The following ANKFN1 variants were observed in gnomAD, a reference collection of about 807,000 sequenced individuals.
The protein encoded by ANKFN1 is ankyrin repeat and fibronectin type III domain containing 1.
A neutral mutation model predicts 108.7 loss-of-function variants in ANKFN1; 74 were observed. The observed-to-expected ratio is 0.68, with a 90% confidence interval of 0.56 to 0.83. ANKFN1 has a LOEUF of 0.83. Ranked by LOEUF, ANKFN1 falls within the 40% of genes least tolerant of loss-of-function variation. The pLI, the probability that ANKFN1 is intolerant of heterozygous loss-of-function variation, is 0.00. For synonymous variants in ANKFN1, 547 were observed against 516.2 expected (o/e 1.06, Z -0.81); for missense variants, 1,505 against 1,382.3 (o/e 1.09, Z -1.41).
At chr17:56,079,341 C>T (rs1041874522) in intron 4 of ANKFN1, among the ~76,000 whole-genome samples, 1 of 152,116 alleles carries the variant, frequency 6.6e-6, no homozygotes, top group African/African-American at 2.4e-5. Context: ...CATACTGGCT[C>T]CAATCACATA....
At chr17:56,130,756 G>A (rs1907235372) in intron 4 of ANKFN1, among the ~76,000 whole-genome samples, 1 of 152,114 alleles carries the variant, frequency 6.6e-6, no homozygotes, top group African/African-American at 2.4e-5. Flanking sequence ...TCTTGGAGAT[G>A]CAGCCTGAGA....
rs773253531 is a variant in ANKFN1, at chr17:56,515,215, C to T, written c.*3946C>T. ...CATTTTTCTACAGCTCTCTCAACTT[C>T]GTATGTAGCAGAGCTACAGCAAAGA... On this transcript the variant is annotated 3_prime_UTR_variant, in exon 21 of 21. Transcript: ENST00000682825. 2.6e-5 allele frequency among the ~76,000 whole-genome samples: 4 copies of T among 152,102 alleles called. No individual in the cohort carries two copies. Among genetic ancestry groups the T allele is most frequent in the African/African-American group, 4.8e-5 (2 of 41,424 alleles).
intron 3 of ANKFN1, among the ~76,000 whole-genome samples, chr17:56,231,270 A>G (rs893192376): frequency 6.6e-6 from 1 of 152,096 alleles, no homozygotes. Context: ...TGCCAATTAC[A>G]TTAACTTGGT....
rs139536884 is a variant in ANKFN1, at chr17:56,102,383, A to G, written c.288+56058A>G. Among the ~76,000 whole-genome samples, 768 of 152,350 alleles carry G rather than the reference A, an allele frequency of 5.0e-3. 7 individuals are homozygous for G. Among genetic ancestry groups the G allele is most frequent in the African/African-American group, 0.018 (740 of 41,582 alleles). Reference sequence around the variant, plus strand: ...CATAGTACTTAAGATTCAAGGTGACATTTGTCATAAATATAAAGGCTAATT... The same window carrying G: ...CATAGTACTTAAGATTCAAGGTGACGTTTGTCATAAATATAAAGGCTAATT... On this transcript the variant is annotated intron_variant, in intron 4 of 12. Transcript: ENST00000635860.
chr17:56,164,825 T>C (rs1162206694), intron 1 of ANKFN1, among the ~76,000 whole-genome samples: 2 of 152,222 alleles, frequency 1.3e-5, no homozygotes, highest in Non-Finnish European at 2.9e-5. Flanking sequence ...GTGATAACTA[T>C]TGGACAAGCC....
At chr17:56,306,008 A>G (rs1424687107) in intron 3 of ANKFN1, among the ~76,000 whole-genome samples, 3 of 152,178 alleles carry the variant, frequency 2.0e-5, no homozygotes, top group African/African-American at 4.8e-5. Flanking sequence ...TGTTTCATTA[A>G]TCTATATGTC....
chr17:56,415,091 A>T (rs984509820), intron 8 of ANKFN1, among the ~76,000 whole-genome samples: 1 of 152,158 alleles, frequency 6.6e-6, no homozygotes, highest in Non-Finnish European at 1.5e-5. Context: ...AGAACTACAT[A>T]TAACAGACTC....
chr17:56,128,121 A>G (rs1567796422), intron 4 of ANKFN1, among the ~76,000 whole-genome samples: 1 of 152,146 alleles, frequency 6.6e-6, no homozygotes. Context: ...TCTGCACTGT[A>G]ACCACCCAAT....
At chr17:56,314,593 T>G (rs1375894232) in intron 3 of ANKFN1, among the ~76,000 whole-genome samples, 1 of 152,240 alleles carries the variant, frequency 6.6e-6, no homozygotes, top group African/African-American at 2.4e-5. Flanking sequence ...GTGACTACTA[T>G]TAATTTCACT....
At chr17:56,311,582 A>G (rs1263245102) in intron 3 of ANKFN1, among the ~76,000 whole-genome samples, 1 of 152,246 alleles carries the variant, frequency 6.6e-6, no homozygotes, top group Non-Finnish European at 1.5e-5. Flanking sequence ...GGTAGCATAT[A>G]AATTCAGAGA....
intron 11 of ANKFN1, among the ~76,000 whole-genome samples, chr17:56,454,379 G>A (rs895538324): frequency 6.6e-6 from 1 of 152,060 alleles, no homozygotes; most frequent in African/African-American, 2.4e-5. Context: ...ATTAATGATA[G>A]GCTTTGTTTC....
intron 6 of ANKFN1, among the ~76,000 whole-genome samples, chr17:56,356,550 T>C (rs2046382436): frequency 6.6e-6 from 1 of 152,180 alleles, no homozygotes; most frequent in East Asian, 1.9e-4. Context: ...ATGCTAAGCT[T>C]ACCATATCCA....
Position 56,153,482 on chromosome 17 carries a change from A to AACT in ANKFN1, c.-118_-116dup. ...CCCTCCACCCCCCAGGTCCTCTTTC[A>AACT]ACTCAAGAGCTCAGTCCTGTGTCTC... On this transcript the variant is annotated 5_prime_UTR_variant, in exon 1 of 21. Transcript: ENST00000682825. The AACT allele has an allele frequency of 6.2e-7, 1 of 1,613,936 alleles. No homozygotes were observed. The highest frequency in any genetic ancestry group is 8.5e-7 in the Non-Finnish European group (1 of 1,179,838).
At chr17:56,290,017 G>A (rs1193068103) in intron 3 of ANKFN1, among the ~76,000 whole-genome samples, 5 of 152,172 alleles carry the variant, frequency 3.3e-5, no homozygotes, top group Admixed American at 3.3e-4. Context: ...CTGCTAGTTA[G>A]TTGTAGGGCT....
intron 2 of ANKFN1, among the ~76,000 whole-genome samples, chr17:56,225,450 C>T (rs1322496928): frequency 1.3e-5 from 2 of 152,186 alleles, no homozygotes; most frequent in Non-Finnish European, 2.9e-5. Context: ...CATCTTGCCT[C>T]CTCACTGGCC....
chr17:56,418,211 T>C (rs1054091538), intron 8 of ANKFN1, among the ~76,000 whole-genome samples: 1 of 152,214 alleles, frequency 6.6e-6, no homozygotes, highest in Non-Finnish European at 1.5e-5. Context: ...GACACTGTGG[T>C]GATAAATTCT....
chr17:56,236,119 A>G (rs1003445452), intron 3 of ANKFN1, among the ~76,000 whole-genome samples: 5 of 151,388 alleles, frequency 3.3e-5, no homozygotes, highest in African/African-American at 1.2e-4. Flanking sequence ...GTGCAGTGGC[A>G]TGATCTTGGC....
chr17:56,075,526 T>C (rs1039852091), intron 4 of ANKFN1, among the ~76,000 whole-genome samples: 2 of 152,098 alleles, frequency 1.3e-5, no homozygotes, highest in Admixed American at 6.5e-5. Flanking sequence ...TGAAAAATAT[T>C]ATTCATGGCA....
rs188642479 is a variant in ANKFN1 at position 56,063,259 on chromosome 17, G to A, written c.288+16934G>A. On this transcript the variant is annotated intron_variant, in intron 4 of 12. Transcript: ENST00000635860. ...TGATCTTCTTATAGTGTATCTTAGT[G>A]GTGTTCTCTGTATTTCCTGAATGTG... Among the ~76,000 whole-genome samples, 4 of 152,220 alleles carry A rather than the reference G, an allele frequency of 2.6e-5. No homozygotes were observed. The East Asian group carries it at 7.7e-4, about 29-fold the overall frequency.
Sources: gnomAD v4.1 joint callset for allele counts (sites outside exome capture counted in the v4.1 genomes callset) on GRCh38, gnomAD v4.1.1 for gene constraint, MANE v1.5 for transcripts, NCBI Gene and HGNC (gene_info 2026-07-23, HGNC 2026-07-21) for gene names.